MLIP: variants seen among roughly 807,000 people sequenced by gnomAD.
MLIP encodes the protein muscular LMNA interacting protein.
MLIP carries 79 observed loss-of-function variants against 84.8 expected under a neutral mutation model. The observed-to-expected ratio is 0.93, with a 90% CI of 0.78 to 1.12. The LOEUF (loss-of-function observed/expected upper bound fraction) is 1.12. MLIP is among the 50% of genes most tolerant of loss of function. The pLI is 0.00. For synonymous variants in MLIP, 504 were observed against 463.0 expected, an observed-to-expected ratio of 1.09 and a Z score of -1.14; for missense variants, 1,257 against 1,160.6, an observed-to-expected ratio of 1.08 and a Z score of -1.21.
intron 11 of MLIP, among the ~76,000 whole-genome samples, chr6:54,222,985 T>C (rs946306280): frequency 6.6e-6 from 1 of 152,056 alleles, no homozygotes; most frequent in African/African-American, 2.4e-5. Flanking sequence ...CCCTTTCATA[T>C]ACCTGTTGGT....
chr6:54,085,902 A>G (rs1332880061), intron 1 of MLIP, among the ~76,000 whole-genome samples: 1 of 152,072 alleles, frequency 6.6e-6, no homozygotes, highest in Non-Finnish European at 1.5e-5. Flanking sequence ...TATGTTGATG[A>G]CTGCTGAGTC....
chr6:54,246,488 T>C (rs2150853092), intron 12 of MLIP, among the ~76,000 whole-genome samples: 1 of 152,278 alleles, frequency 6.6e-6, no homozygotes, highest in South Asian at 2.1e-4. Flanking sequence ...ATCTTTTTCC[T>C]ACTTTGGTTT....
intron 10 of MLIP, among the ~76,000 whole-genome samples, chr6:54,190,819 G>A (rs577133478): frequency 5.0e-4 from 73 of 145,016 alleles, no homozygotes; most frequent in Middle Eastern, 7.1e-3. Context: ...TTTTTGAGAC[G>A]GAGTCTCGCT....
intron 1 of MLIP, among the ~76,000 whole-genome samples, chr6:54,087,578 G>T (rs1003843650): frequency 6.6e-5 from 10 of 152,138 alleles, no homozygotes; most frequent in Admixed American, 4.6e-4. Context: ...ATCTTTGAAA[G>T]CTTGGTGACT....
intron 3 of MLIP, among the ~76,000 whole-genome samples, chr6:54,125,614 A>G (rs745846547): frequency 1.3e-4 from 20 of 152,220 alleles, no homozygotes; most frequent in East Asian, 1.9e-4. Flanking sequence ...ATTTGCTATA[A>G]TGAAAATGTA....
Position 54,266,040 on chromosome 6 carries a change from T to G in MLIP, c.*85T>G, listed in dbSNP as rs1783665371. 5.5e-6 allele frequency: 8 copies of G among 1,456,930 alleles called. No homozygotes were observed. Among genetic ancestry groups the G allele is most frequent in the Non-Finnish European group, 6.6e-6 (7 of 1,054,148 alleles). The allele number at this position is 1,456,930 out of a possible 1,614,324, so 90.3% of individuals were successfully genotyped here. A position where few individuals can be genotyped will look rare whatever the true frequency, so the allele number is the denominator to read the frequency against. ...CACTTGCTAGATTTAACTTTTTTTT[T>G]TTTTTCCAGAATGAGTGCTCCCTTT... is the stretch of plus-strand genomic sequence containing the variant. On this transcript the variant is annotated 3_prime_UTR_variant, in exon 14 of 14. Transcript: ENST00000502396.
chr6:54,136,323 T>C lies in MLIP; in HGVS notation c.646-392T>C, dbSNP rs1481887452. Among the ~76,000 whole-genome samples the C allele has an allele frequency of 2.0e-5, 3 of 152,198 alleles. No homozygotes were observed. The East Asian group carries it at 5.8e-4, about 29-fold the overall frequency. ...GTTATTATAATATCATCCTTTATAT[T>C]CTTACAATAGAAGAAAATAATTTTC... is the stretch of plus-strand genomic sequence containing the variant. On this transcript the variant is annotated intron_variant, in intron 3 of 13. Coordinates refer to ENST00000502396, the MANE Select transcript of MLIP (RefSeq NM_001281747.2).
At chr6:54,178,971 C>G (rs1313902525) in intron 9 of MLIP, among the ~76,000 whole-genome samples, 1 of 152,134 alleles carries the variant, frequency 6.6e-6, no homozygotes, top group Non-Finnish European at 1.5e-5. Context: ...TCTGGGAGAT[C>G]TGTCCAATAC....
chr6:54,073,288 C>T (rs191471853), intron 1 of MLIP, among the ~76,000 whole-genome samples: 1 of 152,254 alleles, frequency 6.6e-6, no homozygotes, highest in Non-Finnish European at 1.5e-5. Context: ...TCTGAAAGGA[C>T]ATTCCATTAG....
intron 9 of MLIP, among the ~76,000 whole-genome samples, chr6:54,171,505 T>C (rs1775769752): frequency 6.6e-6 from 1 of 151,612 alleles, no homozygotes; most frequent in Non-Finnish European, 1.5e-5. Context: ...CAAAACTAGT[T>C]TGGCGCCAAC....
chr6:54,025,073 TC>T (rs1175563373), intron 1 of MLIP, among the ~76,000 whole-genome samples: 1 of 151,210 alleles, frequency 6.6e-6, no homozygotes, highest in Non-Finnish European at 1.5e-5. Flanking sequence ...AGTCTCGAAC[TC>T]CTGGGCTCAG....
intron 12 of MLIP, among the ~76,000 whole-genome samples, chr6:54,254,109 G>A (rs1320913997): frequency 6.9e-6 from 1 of 145,936 alleles, no homozygotes; most frequent in Non-Finnish European, 1.5e-5. Context: ...ATTCACCTAC[G>A]TAGAACTTGT....
At chr6:54,062,173 C>T (rs976665549) in intron 1 of MLIP, among the ~76,000 whole-genome samples, 4 of 152,122 alleles carry the variant, frequency 2.6e-5, no homozygotes, top group Admixed American at 2.6e-4. Flanking sequence ...CATTTGTTTT[C>T]TATATTAACA....
chr6:54,198,184 G>A (rs774138716), intron 10 of MLIP, among the ~76,000 whole-genome samples: 1 of 152,108 alleles, frequency 6.6e-6, no homozygotes, highest in Non-Finnish European at 1.5e-5. Context: ...TTGTAAAAAT[G>A]CAGATTCGGA....
chr6:54,207,779 T>G (rs1779139836), intron 11 of MLIP, among the ~76,000 whole-genome samples: 1 of 152,202 alleles, frequency 6.6e-6, no homozygotes, highest in Non-Finnish European at 1.5e-5. Flanking sequence ...CACATGATGT[T>G]TGTATGTATA....
At chr6:54,169,939 T>A (rs974228032) in intron 9 of MLIP, among the ~76,000 whole-genome samples, 2 of 151,798 alleles carry the variant, frequency 1.3e-5, no homozygotes, top group African/African-American at 4.8e-5. Context: ...TGTCCATTTC[T>A]AATGGGATTG....
chr6:54,164,183 G>A (rs1284410133), intron 8 of MLIP, among the ~76,000 whole-genome samples: 1 of 151,744 alleles, frequency 6.6e-6, no homozygotes, highest in Non-Finnish European at 1.5e-5. Context: ...CACATGAAGT[G>A]TTCAATCTTT....
chr6:54,226,185 C>A (rs1248515436), intron 11 of MLIP, among the ~76,000 whole-genome samples: 1 of 152,200 alleles, frequency 6.6e-6, no homozygotes, highest in African/African-American at 2.4e-5. Context: ...GATTAACTAC[C>A]ATTTTAAGAT....
intron 1 of MLIP, chr6:54,083,641 C>T: frequency 6.5e-7 from 1 of 1,534,988 alleles, no homozygotes; most frequent in Non-Finnish European, 8.7e-7. Flanking sequence ...ATTATTAGTA[C>T]AATTCCTTGA....
Sources: gnomAD v4.1 joint callset for allele counts (sites outside exome capture counted in the v4.1 genomes callset) on GRCh38, gnomAD v4.1.1 for gene constraint, MANE v1.5 for transcripts, NCBI Gene and HGNC (gene_info 2026-07-23, HGNC 2026-07-21) for gene names.